The following NAT2 variants were observed in gnomAD, a reference collection of about 807,000 sequenced individuals.
The protein encoded by NAT2 is N-acetyltransferase 2.
For missense variants in NAT2, 428 were observed against 339.1 expected (o/e 1.26, Z -2.06); for synonymous variants, 137 against 125.9 (o/e 1.09, Z -0.59).
At chr8:18,386,903 C>T (rs10095668), upstream of NAT2, among the ~76,000 whole-genome samples, 7,780 of 152,306 alleles carry the variant, frequency 0.051, 645 homozygotes, top group African/African-American at 0.18. Flanking sequence ...TGAGGCCTCA[C>T]AACTCAGGTG....
In NAT2 at chr8:18,400,882, G is replaced by A. The variant is rs758888364; in HGVS notation, c.*6G>A. 1.8e-5 allele frequency: 28 copies of A among 1,565,732 alleles called. No individual in the cohort carries two copies. Among genetic ancestry groups the A allele is most frequent in the Non-Finnish European group, 2.3e-5 (27 of 1,161,922 alleles). ...ATGGATCCCTTACTATTTAGAATAA[G>A]GAACAAAATAAACCCTTGTGTATGT... On this transcript the variant is annotated 3_prime_UTR_variant, in exon 2 of 2. Coordinates refer to ENST00000286479, the MANE Select transcript of NAT2 (RefSeq NM_000015.3).
intron 1 of NAT2, among the ~76,000 whole-genome samples, chr8:18,394,063 G>A (rs1800640601): frequency 6.6e-6 from 1 of 152,132 alleles, no homozygotes; most frequent in African/African-American, 2.4e-5. Context: ...GGAGATAAGG[G>A]TGGGGCCATT....
At chr8:18,386,726 C>G (rs1462788371), upstream of NAT2, among the ~76,000 whole-genome samples, 1 of 152,156 alleles carries the variant, frequency 6.6e-6, no homozygotes, top group Admixed American at 6.5e-5. Flanking sequence ...TCCCACCCAC[C>G]CGTACCAAGG....
chr8:18,395,774 T>G (rs1585136898), intron 1 of NAT2, among the ~76,000 whole-genome samples: 1 of 152,138 alleles, frequency 6.6e-6, no homozygotes, highest in African/African-American at 2.4e-5. Flanking sequence ...AAAAACAAAT[T>G]ACAATCACCA....
intron 1 of NAT2, among the ~76,000 whole-genome samples, chr8:18,392,891 A>G (rs1014400844): frequency 3.9e-5 from 6 of 152,184 alleles, no homozygotes; most frequent in African/African-American, 1.4e-4. Flanking sequence ...CTTGTTATGT[A>G]GACGAACCTT....
chr8:18,399,525 A>AT (rs955245416), intron 1 of NAT2, among the ~76,000 whole-genome samples: 1 of 152,202 alleles, frequency 6.6e-6, no homozygotes, highest in Non-Finnish European at 1.5e-5. Context: ...TAATCAATAT[A>AT]TTTTTTGAGT....
At position 18,395,747 on chromosome 8, in the gene NAT2, G is replaced by C. The variant is rs186454263; in HGVS notation, c.-6-4251G>C. Among the ~76,000 whole-genome samples, 17 of 152,292 alleles carry C rather than the reference G, an allele frequency of 1.1e-4. No individual in the cohort carries two copies. In the East Asian group the frequency reaches 3.3e-3, roughly 29 times the overall value. On this transcript the variant is annotated intron_variant, in intron 1 of 1. Transcript: ENST00000286479. ...TTTGGGTTACGGGTATTTAGATAGA[G>C]ACAGATATTGTGGTGGAAAAACAAA... is the stretch of plus-strand genomic sequence containing the variant.
upstream of NAT2, among the ~76,000 whole-genome samples, chr8:18,389,861 G>C (rs1205764483): frequency 6.6e-6 from 1 of 152,212 alleles, no homozygotes; most frequent in Non-Finnish European, 1.5e-5. Context: ...TCTAAAACCA[G>C]GCCACAAGAC....
chr8:18,390,785 T>C (rs1442064359), upstream of NAT2, among the ~76,000 whole-genome samples: 1 of 152,140 alleles, frequency 6.6e-6, no homozygotes, highest in Non-Finnish European at 1.5e-5. Flanking sequence ...CATAGAGTTA[T>C]TTCAGACACA....
rs1157192529 is a variant in NAT2 at position 18,400,699 on chromosome 8, C to A, written c.696C>A (p.Tyr232Ter). 6.2e-7 allele frequency: 1 copy of A among 1,613,920 alleles called. No homozygotes were observed. Among genetic ancestry groups the A allele is most frequent in the South Asian group, 1.1e-5 (1 of 91,076 alleles). The change falls in exon 2 of 2, where the codon TAC becomes TAA. Residue 232 changes from tyrosine to a stop codon, truncating the protein, a stop_gained. Transcript: ENST00000286479. LOFTEE classifies it low-confidence loss of function (END_TRUNC). ...CCTTGCAGACCCCAGAAGGGGTTTA[C>A]TGTTTGGTGGGCTTCATCCTCACCT... Reference protein sequence around the residue: ...FCSLQTPEGVYCLVGFILTYR... With the variant: ...FCSLQTPEGV
chr8:18,390,688 G>C (rs1044945041), upstream of NAT2, among the ~76,000 whole-genome samples: 5 of 151,096 alleles, frequency 3.3e-5, no homozygotes, highest in African/African-American at 1.2e-4. Context: ...CATGCCACAG[G>C]CTAGGAGAAA....
chr8:18,391,781 T>C (rs954164763), intron 1 of NAT2, among the ~76,000 whole-genome samples: 2 of 152,206 alleles, frequency 1.3e-5, no homozygotes, highest in Non-Finnish European at 1.5e-5. Context: ...CTGGCTCTGC[T>C]CTGATTGAGG....
intron 1 of NAT2, among the ~76,000 whole-genome samples, chr8:18,396,616 G>C (rs1381082977): frequency 6.6e-6 from 1 of 152,012 alleles, no homozygotes; most frequent in African/African-American, 2.4e-5. Flanking sequence ...GGATGGTCTC[G>C]AACCCCTGAC....
chr8:18,392,897 A>C (rs1800613713), intron 1 of NAT2, among the ~76,000 whole-genome samples: 1 of 152,170 alleles, frequency 6.6e-6, no homozygotes, highest in African/African-American at 2.4e-5. Flanking sequence ...ATGTAGACGA[A>C]CCTTTTCTCA....
At chr8:18,396,425 AT>A (rs200257671) in intron 1 of NAT2, among the ~76,000 whole-genome samples, 237 of 151,796 alleles carry the variant, frequency 1.6e-3, no homozygotes, top group African/African-American at 5.5e-3. Flanking sequence ...AATCTAAAAA[AT>A]TTTTTTTTGT....
In NAT2 at chr8:18,400,521, A is replaced by G. The variant is rs369500066; in HGVS notation, c.518A>G (p.Lys173Arg). The G allele has an allele frequency of 1.7e-5, 27 of 1,613,182 alleles. No homozygotes were observed. In the African/African-American group the frequency reaches 2.9e-4, roughly 18 times the overall value. The change falls in exon 2 of 2, where the codon AAA becomes AGA. Residue 173 changes from lysine (K) to arginine (R), a missense_variant. Lys to Arg is a conservative substitution (Grantham distance 26, BLOSUM62 2). Coordinates refer to ENST00000286479, the MANE Select transcript of NAT2 (RefSeq NM_000015.3). The stretch of plus-strand genomic sequence containing the variant: ...AGGAGAGAGCAGTATATTACAAACA[A>G]AGAATTTCTTAATTCTCATCTCCTG... Reference protein sequence around the residue: ...QIRREQYITNKEFLNSHLLPK... With the variant: ...QIRREQYITNREFLNSHLLPK...
chr8:18,396,542 T>C (rs1174488770), intron 1 of NAT2, among the ~76,000 whole-genome samples: 1 of 152,114 alleles, frequency 6.6e-6, no homozygotes, highest in Admixed American at 6.5e-5. Context: ...ATTACAGCTG[T>C]GCATGACCAC....
rs775833318 is a variant in NAT2 at position 18,400,438 on chromosome 8, G to C, written c.435G>C (p.Gln145His). Residue 145 changes from glutamine (Q) to histidine (H), a missense_variant, in exon 2 of 2, where the codon CAG becomes CAC. Transcript: ENST00000286479. ...TAATTTCTGGGAAGGATCAGCCTCA[G>C]GTGCCTTGCATTTTCTGCTTGACAG... The part of the protein sequence containing the change: ...LELISGKDQP[Q>H]VPCIFCLTEE... 2 of 1,613,708 alleles carry C rather than the reference G, an allele frequency of 1.2e-6. No homozygotes were observed. The highest frequency in any genetic ancestry group is 1.1e-5 in the South Asian group (1 of 91,040).
intron 1 of NAT2, among the ~76,000 whole-genome samples, chr8:18,395,716 G>A (rs954518294): frequency 1.3e-5 from 2 of 152,156 alleles, no homozygotes; most frequent in African/African-American, 4.8e-5. Flanking sequence ...AATAGCTTTG[G>A]AGAGATTTGG....
Sources: allele counts gnomAD v4.1 joint callset (sites outside exome capture counted in the v4.1 genomes callset), GRCh38; gene constraint gnomAD v4.1.1; transcripts MANE v1.5; gene names NCBI Gene and HGNC (gene_info 2026-07-23, HGNC 2026-07-21).